The following COA1 variants were observed in gnomAD, a reference collection of about 807,000 sequenced individuals.
The protein encoded by COA1 is cytochrome c oxidase assembly factor 1, also known as cytochrome c oxidase assembly factor 1 homolog.
Under a neutral mutation model 16.0 loss-of-function variants are expected in COA1, and 13 were observed. The observed-to-expected ratio is 0.81, with a 90% confidence interval of 0.53 to 1.29. The LOEUF (loss-of-function observed/expected upper bound fraction) is 1.29, where lower values mean the gene tolerates loss of function less well. Ranked by LOEUF, COA1 falls within the 50% of genes most tolerant of loss-of-function variation. The probability of loss-of-function intolerance (pLI) is 0.00; values close to 1 mark genes in which losing one functional copy is unlikely to be tolerated. For synonymous variants in COA1, 65 were observed against 65.7 expected (o/e 0.99, Z 0.05); for missense variants, 179 against 177.0 (o/e 1.01, Z -0.06).
intron 1 of COA1, among the ~76,000 whole-genome samples, chr7:43,701,536 AT>A (rs1382032042): frequency 2.0e-5 from 3 of 152,234 alleles, no homozygotes; most frequent in Non-Finnish European, 2.9e-5. Context: ...CTGGGTGCCC[AT>A]ATCTTTGCTA....
chr7:43,646,411 T>C (rs898543079), intron 3 of COA1: 1 of 369,438 alleles, frequency 2.7e-6, no homozygotes, highest in South Asian at 1.9e-5. Context: ...TCTCACCTCA[T>C]ACACAAGCAC....
Position 43,683,029 on chromosome 7 carries a change from G to A in COA1, c.-38-34377C>T, listed in dbSNP as rs1235358551. ...ACGCCTGGCTAATTTTTGTAGAGAT[G>A]GGGTTTTTAGTAGAGATGGGGTTTC... On this transcript the variant is annotated intron_variant, in intron 1 of 5. Coordinates refer to ENST00000223336, the MANE Select transcript of COA1 (RefSeq NM_018224.4). Among the ~76,000 whole-genome samples the A allele has an allele frequency of 2.0e-5, 3 of 151,806 alleles. No homozygotes were observed. In the East Asian group the frequency reaches 5.8e-4, roughly 29 times the overall value.
In COA1 at chr7:43,664,128, A is replaced by AGAGAGAGAGAGAGAGAGAGAGAGG. The variant is rs963621045; in HGVS notation, c.-38-15477_-38-15476insCCTCTCTCTCTCTCTCTCTCTCTC. On this transcript the variant is annotated intron_variant, in intron 1 of 5. Coordinates refer to ENST00000223336, the MANE Select transcript of COA1 (RefSeq NM_018224.4). ...AAGAGAGAGAGAGAGAGAGAGAGAG[A>AGAGAGAGAGAGAGAGAGAGAGAGG]GAGTCTTGCTATATTGCCCAGGCTG... 2.7e-5 allele frequency among the ~76,000 whole-genome samples: 4 copies of AGAGAGAGAGAGAGAGAGAGAGAGG among 148,046 alleles called. No homozygotes were observed. The East Asian group carries it at 7.7e-4, about 29-fold the overall frequency.
intron 3 of COA1, 70 bp downstream of exon 3, chr7:43,647,464 AT>A (rs779659306): frequency 6.9e-6 from 7 of 1,020,196 alleles, no homozygotes; most frequent in Non-Finnish European, 1.1e-5. Context: ...CATCTCAAGT[AT>A]TTCCTCTGAT....
intron 1 of COA1, among the ~76,000 whole-genome samples, chr7:43,652,125 G>C (rs770183235): frequency 6.6e-6 from 1 of 152,206 alleles, no homozygotes; most frequent in Non-Finnish European, 1.5e-5. Context: ...CCGGGCTTGG[G>C]AACCAGTGGT....
chr7:43,708,225 T>C (rs1229693716), intron 1 of COA1, among the ~76,000 whole-genome samples: 2 of 152,134 alleles, frequency 1.3e-5, no homozygotes, highest in Admixed American at 6.6e-5. Flanking sequence ...CCTAACACTT[T>C]GGAACGCTGA....
chr7:43,627,423 T>C (rs1258721045), intron 6 of COA1, among the ~76,000 whole-genome samples: 1 of 152,156 alleles, frequency 6.6e-6, no homozygotes, highest in Non-Finnish European at 1.5e-5. Context: ...TCCTCAGTAA[T>C]GTAATGGGGG....
chr7:43,657,452 A>G (rs539137623), intron 1 of COA1, among the ~76,000 whole-genome samples: 21 of 152,368 alleles, frequency 1.4e-4, no homozygotes, highest in African/African-American at 5.0e-4. Context: ...AACTCAAATC[A>G]GTTTGATGCC....
intron 1 of COA1, among the ~76,000 whole-genome samples, chr7:43,727,866 T>C (rs571348814): frequency 2.6e-5 from 4 of 152,270 alleles, no homozygotes; most frequent in Admixed American, 6.5e-5. Flanking sequence ...CTGTCTGAAA[T>C]AGAAAATTAA....
At chr7:43,632,314 C>T (rs920841239) in intron 6 of COA1, 3 of 152,800 alleles carry the variant, frequency 2.0e-5, no homozygotes, top group Admixed American at 2.0e-4. Context: ...TAGGCCCCTC[C>T]ACTTCTAGTT....
At chr7:43,684,343 T>C (rs576420419) in intron 1 of COA1, among the ~76,000 whole-genome samples, 7 of 152,224 alleles carry the variant, frequency 4.6e-5, no homozygotes, top group Non-Finnish European at 1.0e-4. Flanking sequence ...GTGAATGGGA[T>C]TGGGGACCCC....
At chr7:43,658,070 T>TA (rs1199746751) in intron 1 of COA1, among the ~76,000 whole-genome samples, 12 of 146,984 alleles carry the variant, frequency 8.2e-5, no homozygotes, top group Non-Finnish European at 1.7e-4. Flanking sequence ...TTTTATTTAT[T>TA]TTTTTTAAAA....
At chr7:43,684,435 A>T (rs2093919614) in intron 1 of COA1, among the ~76,000 whole-genome samples, 1 of 152,182 alleles carries the variant, frequency 6.6e-6, no homozygotes, top group African/African-American at 2.4e-5. Context: ...GCCAAGCATC[A>T]TACATGGCAG....
At chr7:43,664,249 G>A (rs1395818664) in intron 1 of COA1, among the ~76,000 whole-genome samples, 1 of 152,050 alleles carries the variant, frequency 6.6e-6, no homozygotes, top group Non-Finnish European at 1.5e-5. Flanking sequence ...CCAAGTGGCT[G>A]GGATTACAGG....
At position 43,624,192 on chromosome 7, in the gene COA1, T is replaced by C. The variant is rs115355456; in HGVS notation, c.*134-14697A>G. ...ATTGCAAATGTGTCATGGCAGTAAA[T>C]AGCACTCATAATTCATGGTTAGTAG... On this transcript the variant is annotated intron_variant and NMD_transcript_variant, in intron 6 of 6. Transcript: ENST00000415076. Among the ~76,000 whole-genome samples the C allele has an allele frequency of 7.1e-3, 1,082 of 152,306 alleles. 10 individuals carry two copies. The highest frequency in any genetic ancestry group is 0.025 in the African/African-American group (1,026 of 41,552).
rs2095054153 is a variant in COA1, at chr7:43,707,790, C to A, written c.-39+21639G>T. On this transcript the variant is annotated intron_variant, in intron 1 of 5. Transcript: ENST00000223336. ...TGTTGATGGAAATCTCCCCACACAACTATTTTGAGCTAGTACAAATAGTGG... is the reference window on the plus strand; with the variant it reads ...TGTTGATGGAAATCTCCCCACACAAATATTTTGAGCTAGTACAAATAGTGG... Among the ~76,000 whole-genome samples the A allele has an allele frequency of 2.0e-5, 3 of 152,320 alleles. No individual in the cohort carries two copies. In the South Asian group the frequency reaches 6.2e-4, roughly 32 times the overall value.
intron 1 of COA1, among the ~76,000 whole-genome samples, chr7:43,715,963 C>T (rs1478769794): frequency 6.6e-6 from 1 of 152,202 alleles, no homozygotes; most frequent in Non-Finnish European, 1.5e-5. Flanking sequence ...TCCTCATTCT[C>T]TCTTTGCCTG....
chr7:43,679,704 T>C (rs1584896244), intron 1 of COA1, among the ~76,000 whole-genome samples: 2 of 152,308 alleles, frequency 1.3e-5, no homozygotes, highest in African/African-American at 4.8e-5. Context: ...ATCAGTCTTA[T>C]AAATAATTCT....
At chr7:43,661,586 G>A (rs897450680) in intron 1 of COA1, among the ~76,000 whole-genome samples, 1 of 151,350 alleles carries the variant, frequency 6.6e-6, no homozygotes, top group Non-Finnish European at 1.5e-5. Flanking sequence ...AGTGTGAGCC[G>A]AGATCGCGCC....
Sources: gnomAD v4.1 joint callset for allele counts (sites outside exome capture counted in the v4.1 genomes callset) on GRCh38, gnomAD v4.1.1 for gene constraint, MANE v1.5 for transcripts, NCBI Gene and HGNC (gene_info 2026-07-23, HGNC 2026-07-21) for gene names.